USH2A: variants seen among roughly 807,000 people sequenced by gnomAD.
USH2A encodes usherin.
A neutral mutation model predicts 538.9 loss-of-function variants in USH2A; 443 were observed. That is an observed-to-expected ratio of 0.82 (90% CI 0.76 to 0.89). The LOEUF is 0.89. Ranked by LOEUF, USH2A falls within the 40% of genes least tolerant of loss-of-function variation. USH2A has a pLI of 0.00. For missense variants in USH2A, 6,633 were observed against 6,324.8 expected (o/e 1.05, Z -1.65); for synonymous variants, 2,413 against 2,273.5 (o/e 1.06, Z -1.75).
At chr1:216,000,200 T>C (rs1668234329) in intron 33 of USH2A, among the ~76,000 whole-genome samples, 1 of 152,164 alleles carries the variant, frequency 6.6e-6, no homozygotes, top group Non-Finnish European at 1.5e-5. Context: ...TGTGTACCTA[T>C]GTAGCTCAGC....
intron 64 of USH2A, among the ~76,000 whole-genome samples, chr1:215,653,628 A>C (rs947780358): frequency 1.4e-4 from 22 of 152,188 alleles, no homozygotes; most frequent in African/African-American, 4.8e-4. Context: ...AAAAGGAAAA[A>C]AGAACCTGTG....
At chr1:215,717,560 C>A (rs1030718878) in intron 61 of USH2A, among the ~76,000 whole-genome samples, 6 of 152,136 alleles carry the variant, frequency 3.9e-5, no homozygotes, top group Non-Finnish European at 7.4e-5. Context: ...CTTATTGTTT[C>A]TCCAAATACA....
chr1:215,835,535 C>T (rs1167585103), intron 47 of USH2A, among the ~76,000 whole-genome samples: 6 of 152,144 alleles, frequency 3.9e-5, no homozygotes, highest in African/African-American at 1.4e-4. Context: ...AATGTCTAAT[C>T]TCCTGGTCGG....
At chr1:216,052,310 G>A (rs372666281) in intron 30 of USH2A, among the ~76,000 whole-genome samples, 6 of 150,680 alleles carry the variant, frequency 4.0e-5, no homozygotes, top group Admixed American at 6.6e-5. Flanking sequence ...TTTCAAGCCC[G>A]GTGAAACAAT....
At chr1:216,261,401 G>T (rs1293152490) in intron 11 of USH2A, among the ~76,000 whole-genome samples, 3 of 148,468 alleles carry the variant, frequency 2.0e-5, no homozygotes, top group Non-Finnish European at 1.5e-5. Context: ...TATTGTTAGA[G>T]CCCAGGAGTT....
At chr1:215,742,187 T>C (rs1660323878) in intron 59 of USH2A, among the ~76,000 whole-genome samples, 1 of 152,210 alleles carries the variant, frequency 6.6e-6, no homozygotes, top group Non-Finnish European at 1.5e-5. Flanking sequence ...TAGCCATTTC[T>C]GATGAGTTCA....
At chr1:215,627,436 C>CTTT (rs1558027471) in intron 71 of USH2A, among the ~76,000 whole-genome samples, 97 of 61,670 alleles carry the variant, frequency 1.6e-3, no homozygotes, top group African/African-American at 2.4e-3. Flanking sequence ...TTCCTTCCTT[C>CTTT]CTTCCTTCCT....
At chr1:215,809,093 C>T (rs12144789) in intron 49 of USH2A, among the ~76,000 whole-genome samples, 5,174 of 152,194 alleles carry the variant, frequency 0.034, 100 homozygotes, top group African/African-American at 0.05. Context: ...GAAGGAGCAA[C>T]GAGCTTATTG....
At chr1:215,699,276 T>G (rs1390904304) in intron 61 of USH2A, among the ~76,000 whole-genome samples, 5 of 152,180 alleles carry the variant, frequency 3.3e-5, no homozygotes, top group African/African-American at 1.2e-4. Flanking sequence ...TTGTTCTTTT[T>G]GCTTAAGATT....
At chr1:215,965,906 ACT>A (rs1667330484) in intron 36 of USH2A, among the ~76,000 whole-genome samples, 1 of 139,492 alleles carries the variant, frequency 7.2e-6, no homozygotes, top group South Asian at 2.3e-4. Flanking sequence ...ACATATCTTG[ACT>A]CTCTCTCTTC....
intron 41 of USH2A, among the ~76,000 whole-genome samples, chr1:215,887,048 G>A (rs1197811132): frequency 6.6e-6 from 1 of 151,994 alleles, no homozygotes; most frequent in Non-Finnish European, 1.5e-5. Context: ...TAGTAGAGAC[G>A]GGGTTTCACT....
chr1:216,081,396 C>A (rs1189471968), intron 26 of USH2A, among the ~76,000 whole-genome samples: 1 of 152,066 alleles, frequency 6.6e-6, no homozygotes, highest in Non-Finnish European at 1.5e-5. Context: ...CAGGGGATAA[C>A]CATGCATATT....
intron 43 of USH2A, 52 bp downstream of exon 43, chr1:215,877,706 C>A (rs199804082): frequency 4.2e-5 from 67 of 1,611,002 alleles, no homozygotes; most frequent in Admixed American, 6.7e-5. Flanking sequence ...AACTATTCAA[C>A]ATGCCCAGAA....
rs1660202959 is a variant in USH2A, at chr1:215,737,983, G to T, written c.11711+3392C>A. Among the ~76,000 whole-genome samples the T allele has an allele frequency of 3.3e-5, 5 of 152,060 alleles. No homozygotes were observed. The South Asian group carries it at 1.0e-3, about 32-fold the overall frequency. On this transcript the variant is annotated intron_variant, in intron 60 of 71. Coordinates refer to ENST00000307340, the MANE Select transcript of USH2A (RefSeq NM_206933.4). ...TTACAGGGTGTTTGTATATAGTTTTGCCTCTCAGTGCACATTGATCAAATC... is the reference window on the plus strand; with the variant it reads ...TTACAGGGTGTTTGTATATAGTTTTTCCTCTCAGTGCACATTGATCAAATC...
At chr1:216,111,626 G>A (rs558430781) in intron 21 of USH2A, among the ~76,000 whole-genome samples, 15 of 150,980 alleles carry the variant, frequency 9.9e-5, no homozygotes, top group Middle Eastern at 3.4e-3. Context: ...GAATAAATTG[G>A]TCAAAGATGT....
At chr1:215,938,595 C>G (rs2102503490) in intron 37 of USH2A, among the ~76,000 whole-genome samples, 1 of 152,232 alleles carries the variant, frequency 6.6e-6, no homozygotes, top group East Asian at 1.9e-4. Flanking sequence ...TCGCAGGCGA[C>G]CATTCCTGTC....
intron 38 of USH2A, among the ~76,000 whole-genome samples, chr1:215,904,332 C>T (rs1449493199): frequency 6.6e-6 from 1 of 152,078 alleles, no homozygotes; most frequent in Non-Finnish European, 1.5e-5. Flanking sequence ...CACGAATTCT[C>T]TTCTGAGTAA....
At chr1:216,224,468 G>A (rs1428872142) in intron 14 of USH2A, among the ~76,000 whole-genome samples, 4 of 152,082 alleles carry the variant, frequency 2.6e-5, no homozygotes, top group African/African-American at 7.2e-5. Context: ...TGTGTCAGAG[G>A]TAAATGGAGT....
At chr1:216,287,844 A>G (rs2036916667) in intron 11 of USH2A, among the ~76,000 whole-genome samples, 1 of 152,208 alleles carries the variant, frequency 6.6e-6, no homozygotes, top group Non-Finnish European at 1.5e-5. Flanking sequence ...CATAATGCTC[A>G]GATTATTGTA....
Sources: allele counts gnomAD v4.1 joint callset (sites outside exome capture counted in the v4.1 genomes callset), GRCh38; gene constraint gnomAD v4.1.1; transcripts MANE v1.5; gene names NCBI Gene and HGNC (gene_info 2026-07-23, HGNC 2026-07-21).